Variants in FMN1 observed in about 807,000 individuals in gnomAD.
FMN1 encodes formin-1.
Under a neutral mutation model 132.4 loss-of-function variants are expected in FMN1, and 110 were observed. The ratio of observed to expected loss-of-function variants is 0.83; its 90% CI spans 0.71 to 0.97. The LOEUF (loss-of-function observed/expected upper bound fraction) is 0.97, where lower values mean the gene tolerates loss of function less well. Ranked by LOEUF, FMN1 falls within the 50% of genes least tolerant of loss-of-function variation. The probability of loss-of-function intolerance (pLI) is 0.00; values close to 1 mark genes in which losing one functional copy is unlikely to be tolerated. For synonymous variants in FMN1, 722 were observed against 651.7 expected, an observed-to-expected ratio of 1.11 and a Z score of -1.64; for missense variants, 1,792 against 1,705.3, an observed-to-expected ratio of 1.05 and a Z score of -0.90.
chr15:32,903,268 T>C (rs1398079126), intron 12 of FMN1, among the ~76,000 whole-genome samples: 2 of 152,254 alleles, frequency 1.3e-5, no homozygotes, highest in African/African-American at 4.8e-5. Context: ...GAAAATTATC[T>C]GATGAAGTAT....
At chr15:33,107,712 A>T (rs2039540759) in intron 4 of FMN1, among the ~76,000 whole-genome samples, 1 of 152,020 alleles carries the variant, frequency 6.6e-6, no homozygotes, top group Non-Finnish European at 1.5e-5. Flanking sequence ...TTTTGCCAAC[A>T]AGCTCTCTAG....
chr15:33,035,806 A>G (rs138278006), intron 6 of FMN1, among the ~76,000 whole-genome samples: 2,359 of 152,302 alleles, frequency 0.015, 51 homozygotes, highest in South Asian at 0.089. Context: ...ATAGCCCACA[A>G]TGTGGCAATA....
At chr15:33,068,574 A>G (rs1186740806) in intron 5 of FMN1, among the ~76,000 whole-genome samples, 1 of 152,154 alleles carries the variant, frequency 6.6e-6, no homozygotes, top group Non-Finnish European at 1.5e-5. Flanking sequence ...AGAAAGCAAT[A>G]GATCATCTCA....
intron 16 of FMN1, among the ~76,000 whole-genome samples, chr15:32,875,712 A>C (rs2059620450): frequency 6.6e-6 from 1 of 152,254 alleles, no homozygotes; most frequent in Non-Finnish European, 1.5e-5. Flanking sequence ...CATTTGGTTG[A>C]CTGACATGAG....
chr15:33,117,047 C>T (rs924047429), intron 4 of FMN1, among the ~76,000 whole-genome samples: 39 of 152,260 alleles, frequency 2.6e-4, no homozygotes, highest in African/African-American at 8.4e-4. Flanking sequence ...TATGGACGAT[C>T]CTGCAGAGAC....
chr15:33,123,013 T>G (rs1962713867), intron 4 of FMN1, among the ~76,000 whole-genome samples: 1 of 151,686 alleles, frequency 6.6e-6, no homozygotes, highest in Non-Finnish European at 1.5e-5. Flanking sequence ...CGAGAGAGGT[T>G]AAGTAATCTG....
chr15:33,137,003 G>A (rs980474694), intron 4 of FMN1, among the ~76,000 whole-genome samples: 1 of 144,874 alleles, frequency 6.9e-6, no homozygotes, highest in African/African-American at 2.6e-5. Context: ...CAGAAGAATC[G>A]CTTGAACCCG....
chr15:32,796,251 G>C (rs2057287781), intron 19 of FMN1, among the ~76,000 whole-genome samples: 1 of 152,202 alleles, frequency 6.6e-6, no homozygotes. Flanking sequence ...TTTGGAAGTA[G>C]AATTTAAACA....
chr15:33,121,013 A>C (rs1962501064), intron 4 of FMN1, among the ~76,000 whole-genome samples: 1 of 152,150 alleles, frequency 6.6e-6, no homozygotes, highest in South Asian at 2.1e-4. Flanking sequence ...TCTTAATTAT[A>C]GGATAGTACT....
chr15:32,815,830 A>G (rs1457160437), intron 17 of FMN1, among the ~76,000 whole-genome samples: 1 of 152,160 alleles, frequency 6.6e-6, no homozygotes, highest in South Asian at 2.1e-4. Context: ...AGGTGCTATG[A>G]TACTAAATTC....
intron 7 of FMN1, among the ~76,000 whole-genome samples, chr15:32,978,780 C>A (rs1380191897): frequency 6.6e-6 from 1 of 152,124 alleles, no homozygotes; most frequent in Non-Finnish European, 1.5e-5. Context: ...TATCCCATGG[C>A]CAATGTCCAC....
chr15:32,925,553 A>T (rs1230615287), intron 10 of FMN1, among the ~76,000 whole-genome samples: 1 of 152,206 alleles, frequency 6.6e-6, no homozygotes. Flanking sequence ...AATGGAGGGT[A>T]GAAACTTCTA....
At chr15:33,133,392 A>T (rs1479804564) in intron 4 of FMN1, among the ~76,000 whole-genome samples, 2 of 152,178 alleles carry the variant, frequency 1.3e-5, no homozygotes, top group Non-Finnish European at 2.9e-5. Context: ...CTCTCACAAT[A>T]TGAACACAGA....
At chr15:32,847,677 ACCCCG>A (rs1467789986) in intron 17 of FMN1, among the ~76,000 whole-genome samples, 1 of 152,204 alleles carries the variant, frequency 6.6e-6, no homozygotes, top group East Asian at 1.9e-4. Context: ...ACGCAGTGAA[ACCCCG>A]TCTCTACTAA....
chr15:33,134,512 C>G (rs1963680278), intron 4 of FMN1, among the ~76,000 whole-genome samples: 1 of 152,194 alleles, frequency 6.6e-6, no homozygotes, highest in Admixed American at 6.5e-5. Flanking sequence ...CACCTGGCTG[C>G]TGCACTATGG....
At chr15:32,956,870 GTTC>G (rs1373941333) in intron 9 of FMN1, among the ~76,000 whole-genome samples, 10 of 152,098 alleles carry the variant, frequency 6.6e-5, no homozygotes, top group African/African-American at 2.4e-4. Context: ...TCCAAACAAT[GTTC>G]TTCTTCCACC....
At chr15:32,949,001 C>G (rs986732077) in intron 9 of FMN1, among the ~76,000 whole-genome samples, 2 of 151,900 alleles carry the variant, frequency 1.3e-5, no homozygotes, top group Non-Finnish European at 2.9e-5. Context: ...AGGCACTTAA[C>G]TGATTTTTGA....
At chr15:33,077,808 AC>A (rs765702031) in intron 5 of FMN1, among the ~76,000 whole-genome samples, 2,816 of 151,376 alleles carry the variant, frequency 0.019, 55 homozygotes, top group South Asian at 0.088. Context: ...AAAAAAAAAA[AC>A]ATCAAAAAGT....
At chr15:33,087,093 T>C (rs1298532332) in intron 5 of FMN1, among the ~76,000 whole-genome samples, 2 of 152,250 alleles carry the variant, frequency 1.3e-5, no homozygotes, top group African/African-American at 4.8e-5. Context: ...TCACCTCATC[T>C]GTGACAGGAA....
Sources: gnomAD v4.1 joint callset for allele counts (sites outside exome capture counted in the v4.1 genomes callset) on GRCh38, gnomAD v4.1.1 for gene constraint, MANE v1.5 for transcripts, NCBI Gene and HGNC (gene_info 2026-07-23, HGNC 2026-07-21) for gene names.